QRICH1: variants seen among roughly 807,000 people sequenced by gnomAD.
The protein encoded by QRICH1 is glutamine rich 1.
A neutral mutation model predicts 87.1 loss-of-function variants in QRICH1; 16 were observed. That is an observed-to-expected ratio of 0.18 (90% CI 0.12 to 0.28). The LOEUF (loss-of-function observed/expected upper bound fraction) is 0.28. QRICH1 is among the 10% of genes least tolerant of loss of function. The pLI is 1.00. For missense variants in QRICH1, 647 were observed against 951.7 expected, an observed-to-expected ratio of 0.68 and a Z score of 4.21; for synonymous variants, 367 against 368.4, an observed-to-expected ratio of 1.00 and a Z score of 0.05.
At chr3:49,032,157 G>C in intron 9 of QRICH1, 26 bp downstream of exon 9, 1 of 1,553,626 alleles carries the variant, frequency 6.4e-7, no homozygotes, top group South Asian at 1.1e-5. Context: ...CGCACACATG[G>C]ACAGCAAGTC....
At chr3:49,087,846 TGTCTTC>T (rs2042198220) in intron 1 of QRICH1, among the ~76,000 whole-genome samples, 1 of 58,644 alleles carries the variant, frequency 1.7e-5, no homozygotes, top group Non-Finnish European at 3.6e-5. Flanking sequence ...AAAAGAACAA[TGTCTTC>T]TATGCTTCTT....
chr3:49,036,620 T>C (rs1297984249), intron 6 of QRICH1, among the ~76,000 whole-genome samples: 6 of 151,890 alleles, frequency 4.0e-5, no homozygotes, highest in Admixed American at 2.0e-4. Flanking sequence ...AAAACCTTAA[T>C]TGGACATCAC....
chr3:49,059,274 T>C (rs966701142), intron 2 of QRICH1, among the ~76,000 whole-genome samples: 14 of 151,716 alleles, frequency 9.2e-5, no homozygotes, highest in Non-Finnish European at 1.6e-4. Flanking sequence ...CGTTTTTTTC[T>C]CTAAAGATAG....
intron 6 of QRICH1, among the ~76,000 whole-genome samples, chr3:49,043,002 T>C (rs2093319259): frequency 6.6e-6 from 1 of 152,072 alleles, no homozygotes; most frequent in South Asian, 2.1e-4. Flanking sequence ...TACAACACAA[T>C]AATATAGTTC....
chr3:49,071,005 A>C (rs1201453002), intron 2 of QRICH1, among the ~76,000 whole-genome samples: 1 of 151,728 alleles, frequency 6.6e-6, no homozygotes, highest in Non-Finnish European at 1.5e-5. Flanking sequence ...TCCAAGTTCA[A>C]GCATTCATCA....
intron 2 of QRICH1, among the ~76,000 whole-genome samples, chr3:49,058,330 G>T (rs2093415240): frequency 6.7e-6 from 1 of 149,360 alleles, no homozygotes; most frequent in Non-Finnish European, 1.5e-5. Context: ...TCAAAACTTT[G>T]GTTCTTTTTT....
intron 6 of QRICH1, among the ~76,000 whole-genome samples, chr3:49,035,706 C>T (rs1198839586): frequency 6.6e-6 from 1 of 151,852 alleles, no homozygotes; most frequent in South Asian, 2.1e-4. Context: ...GGTCCCAGCC[C>T]GAGCCCAACA....
chr3:49,030,222 G>A lies in QRICH1; in HGVS notation c.*230C>T. 1.8e-6 allele frequency: 1 copy of A among 550,978 alleles called. No individual in the cohort carries two copies. Among genetic ancestry groups the A allele is most frequent in the Non-Finnish European group, 3.2e-6 (1 of 315,610 alleles). The allele number at this position is 550,978 out of a possible 1,614,324, so 34.1% of individuals were successfully genotyped here. A position where few individuals can be genotyped will look rare whatever the true frequency, so the allele number is the denominator to read the frequency against. On this transcript the variant is annotated 3_prime_UTR_variant, in exon 10 of 10. Transcript: ENST00000395443. ...CAGCCAGCAACTTTCTAGGACATAT[G>A]ACACTCAAGGAAACCCAGAGCCACC...
At chr3:49,076,173 T>C (rs574304503) in intron 2 of QRICH1, among the ~76,000 whole-genome samples, 1 of 152,124 alleles carries the variant, frequency 6.6e-6, no homozygotes, top group Non-Finnish European at 1.5e-5. Context: ...TGGACCACAG[T>C]GCAAGACTCC....
intron 1 of QRICH1, among the ~76,000 whole-genome samples, chr3:49,091,887 A>G (rs2042282209): frequency 6.6e-6 from 1 of 152,156 alleles, no homozygotes. Context: ...TCTGATCAAC[A>G]TGGTGAAACC....
chr3:49,075,703 C>T (rs544060282), intron 2 of QRICH1, among the ~76,000 whole-genome samples: 48 of 152,240 alleles, frequency 3.2e-4, no homozygotes, highest in Non-Finnish European at 1.2e-4. Flanking sequence ...CACTTTGGCA[C>T]TTTGGGAGGC....
At chr3:49,030,741 C>G in intron 9 of QRICH1, 97 bp from the exon 10 acceptor site, 1 of 1,101,272 alleles carries the variant, frequency 9.1e-7, no homozygotes. Context: ...AACAGTAAGG[C>G]CCCAAGTTAT....
intron 8 of QRICH1, 93 bp from the exon 9 acceptor site, chr3:49,032,366 AC>A: frequency 1.3e-6 from 1 of 779,150 alleles, no homozygotes; most frequent in Non-Finnish European, 2.1e-6. Flanking sequence ...AGCCAGCCCA[AC>A]TAGGAAATAC....
At chr3:49,064,181 T>G (rs1483458180) in intron 2 of QRICH1, among the ~76,000 whole-genome samples, 1 of 151,366 alleles carries the variant, frequency 6.6e-6, no homozygotes, top group Non-Finnish European at 1.5e-5. Context: ...TCCGCCTGCC[T>G]CGGCCTCCCA....
chr3:49,090,746 T>C (rs544770629), intron 1 of QRICH1, among the ~76,000 whole-genome samples: 1 of 152,286 alleles, frequency 6.6e-6, no homozygotes, highest in Non-Finnish European at 1.5e-5. Context: ...GGAGCACTCC[T>C]TCCCTCTTTC....
At chr3:49,033,282 G>T in intron 6 of QRICH1, 54 bp from the exon 7 acceptor site, 1 of 1,098,066 alleles carries the variant, frequency 9.1e-7, no homozygotes, top group Non-Finnish European at 1.3e-6. Flanking sequence ...GTCTCTCAAA[G>T]GTACAATATG....
chr3:49,049,782 G>GCCAC (rs1405813766), intron 3 of QRICH1, among the ~76,000 whole-genome samples: 3 of 151,938 alleles, frequency 2.0e-5, no homozygotes, highest in Non-Finnish European at 4.4e-5. Flanking sequence ...ACAGGCGTGA[G>GCCAC]CCACCATACC....
chr3:49,036,750 T>A (rs1026213824), intron 6 of QRICH1, among the ~76,000 whole-genome samples: 1 of 151,362 alleles, frequency 6.6e-6, no homozygotes, highest in South Asian at 2.1e-4. Flanking sequence ...TATACCATCA[T>A]GAACCCAAAG....
intron 2 of QRICH1, among the ~76,000 whole-genome samples, chr3:49,060,664 C>G (rs1466351735): frequency 6.6e-6 from 1 of 152,186 alleles, no homozygotes; most frequent in Non-Finnish European, 1.5e-5. Context: ...GTCCCCAACC[C>G]TGGGGCCAAG....
Sources: allele counts gnomAD v4.1 joint callset (sites outside exome capture counted in the v4.1 genomes callset), GRCh38; gene constraint gnomAD v4.1.1; transcripts MANE v1.5; gene names NCBI Gene and HGNC (gene_info 2026-07-23, HGNC 2026-07-21).